The following TNR variants were observed in gnomAD, a reference collection of about 807,000 sequenced individuals.
TNR encodes tenascin R, also known as tenascin-R.
TNR carries 45 observed loss-of-function variants against 150.4 expected under a neutral mutation model. The ratio of observed to expected loss-of-function variants is 0.30; its 90% confidence interval spans 0.24 to 0.38. TNR has a LOEUF of 0.38. Among genes scored for constraint, TNR ranks in the 10% least tolerant of loss-of-function variants. The probability of loss-of-function intolerance (pLI) is 1.00; values close to 1 mark genes in which losing one functional copy is unlikely to be tolerated. For missense variants in TNR, 1,544 were observed against 1,759.1 expected, an observed-to-expected ratio of 0.88 and a Z score of 2.19; for synonymous variants, 687 against 678.4, an observed-to-expected ratio of 1.01 and a Z score of -0.20.
At chr1:175,366,311 C>T (rs866767518) in intron 10 of TNR, among the ~76,000 whole-genome samples, 173 bp from the exon 11 acceptor site, 35 of 152,196 alleles carry the variant, frequency 2.3e-4, no homozygotes, top group African/African-American at 8.0e-4. Context: ...TGAATGATGG[C>T]CAGGGGCTTG....
intron 2 of TNR, among the ~76,000 whole-genome samples, chr1:175,523,260 G>T (rs754274250): frequency 1.3e-5 from 2 of 151,960 alleles, no homozygotes; most frequent in Non-Finnish European, 2.9e-5. Context: ...AAGGTAGTGG[G>T]GCATTGTGGG....
At chr1:175,648,718 T>C (rs369137433) in intron 1 of TNR, among the ~76,000 whole-genome samples, 7 of 152,266 alleles carry the variant, frequency 4.6e-5, no homozygotes, top group African/African-American at 1.7e-4. Context: ...TCCCGCTTCC[T>C]TCAAGTCATT....
intron 2 of TNR, among the ~76,000 whole-genome samples, chr1:175,509,939 A>G (rs1659101665): frequency 6.6e-6 from 1 of 152,176 alleles, no homozygotes; most frequent in Non-Finnish European, 1.5e-5. Context: ...AATGTATTTA[A>G]GGTCCAGGCA....
chr1:175,735,804 T>C (rs952594741), intron 1 of TNR, among the ~76,000 whole-genome samples: 2 of 152,206 alleles, frequency 1.3e-5, no homozygotes, highest in African/African-American at 2.4e-5. Flanking sequence ...CAAGTGTTCA[T>C]GGTCTCTGGC....
chr1:175,662,669 G>A (rs763324973), intron 1 of TNR, among the ~76,000 whole-genome samples: 6 of 152,184 alleles, frequency 3.9e-5, no homozygotes, highest in East Asian at 3.8e-4. Context: ...GCTGGAGGGC[G>A]TCTGTAACCT....
intron 1 of TNR, among the ~76,000 whole-genome samples, chr1:175,617,753 TC>T (rs201079942): frequency 0.012 from 1,863 of 152,368 alleles, 44 homozygotes; most frequent in African/African-American, 0.041. Context: ...CAAAGAATGT[TC>T]CTCACCCTGA....
At chr1:175,481,154 T>C (rs561951576) in intron 2 of TNR, among the ~76,000 whole-genome samples, 14 of 151,834 alleles carry the variant, frequency 9.2e-5, no homozygotes, top group African/African-American at 3.4e-4. Context: ...GATTGGGGCA[T>C]TCATCCTTGC....
intron 1 of TNR, among the ~76,000 whole-genome samples, chr1:175,683,788 G>A (rs1666109786): frequency 6.6e-6 from 1 of 152,208 alleles, no homozygotes; most frequent in Non-Finnish European, 1.5e-5. Context: ...GCTTCCAACA[G>A]TGATTAATTT....
intron 18 of TNR, among the ~76,000 whole-genome samples, chr1:175,349,656 A>G (rs934108995): frequency 6.6e-6 from 1 of 152,234 alleles, no homozygotes; most frequent in Non-Finnish European, 1.5e-5. Flanking sequence ...GTAAAAGGAA[A>G]TAAATGAGTA....
chr1:175,484,885 G>C lies in TNR; in HGVS notation c.-64+43384C>G, dbSNP rs1025390881. On this transcript the variant is annotated intron_variant, in intron 2 of 22. Transcript: ENST00000367674. Reference sequence around the variant, plus strand: ...AGCTTCAGAGAGTTTGTGAGCATATGATGAGCATCTAGAACTGTTCCTTCC... The same window carrying C: ...AGCTTCAGAGAGTTTGTGAGCATATCATGAGCATCTAGAACTGTTCCTTCC... Among the ~76,000 whole-genome samples, 15 of 152,170 alleles carry C rather than the reference G, an allele frequency of 9.9e-5. No homozygotes were observed. The East Asian group carries it at 2.1e-3, about 21-fold the overall frequency.
chr1:175,498,113 CAAAG>C (rs201650160), intron 2 of TNR, among the ~76,000 whole-genome samples: 2,016 of 151,838 alleles, frequency 0.013, 43 homozygotes, highest in African/African-American at 0.047. Context: ...AAAAAACAAA[CAAAG>C]AAAACAAACA....
intron 2 of TNR, among the ~76,000 whole-genome samples, chr1:175,451,636 G>A (rs1656326685): frequency 6.6e-6 from 1 of 152,208 alleles, no homozygotes; most frequent in Non-Finnish European, 1.5e-5. Context: ...CAGACATGTG[G>A]AACCTGCTGA....
At chr1:175,595,128 C>G (rs1214996731) in intron 1 of TNR, among the ~76,000 whole-genome samples, 1 of 151,556 alleles carries the variant, frequency 6.6e-6, no homozygotes, top group Non-Finnish European at 1.5e-5. Context: ...GATTACACCA[C>G]TGCACTCCAG....
chr1:175,543,202 A>G (rs945720930), intron 1 of TNR, among the ~76,000 whole-genome samples: 3 of 152,206 alleles, frequency 2.0e-5, no homozygotes, highest in Non-Finnish European at 4.4e-5. Flanking sequence ...AGGGTAGTCC[A>G]GTTTAGAGAA....
intron 1 of TNR, among the ~76,000 whole-genome samples, chr1:175,565,620 C>T (rs1020636137): frequency 9.2e-5 from 14 of 152,186 alleles, no homozygotes; most frequent in African/African-American, 3.4e-4. Context: ...AAATCAGTGA[C>T]ATGTATCCAA....
In TNR at chr1:175,315,812, A is replaced by ATGTG. The variant is rs3030866; in HGVS notation, c.*7541_*7544dup. ...TGTGTGCATGCATGTGTGTGTGTGC[A>ATGTG]TGTGTGTGTGTGTGTGTGTGTGTGT... On this transcript the variant is annotated 3_prime_UTR_variant, in exon 23 of 23. Coordinates refer to ENST00000367674, the MANE Select transcript of TNR (RefSeq NM_003285.3). 0.016 allele frequency: 2,399 copies of ATGTG among 146,936 alleles called. 32 individuals are homozygous for ATGTG. Among genetic ancestry groups the ATGTG allele is most frequent in the African/African-American group, 0.042 (1,692 of 39,856 alleles). 9.1% of individuals were successfully genotyped at this position (146,936 alleles called of 1,614,324 possible). A position where few individuals can be genotyped will look rare whatever the true frequency, so the allele number is the denominator to read the frequency against.
At chr1:175,423,948 G>T (rs995032986) in intron 2 of TNR, among the ~76,000 whole-genome samples, 1 of 152,142 alleles carries the variant, frequency 6.6e-6, no homozygotes, top group African/African-American at 2.4e-5. Flanking sequence ...GGGCCTTGGG[G>T]GTTAGAATCC....
rs966046724 is a variant in TNR, at chr1:175,461,411, G to A, written c.-63-54634C>T. ...TTTAAGAAATCACTCCAAGGGGTGA[G>A]AGAGTGTCTAAAATTTTAAATATTA... On this transcript the variant is annotated intron_variant, in intron 2 of 22. Transcript: ENST00000367674. 3.9e-5 allele frequency among the ~76,000 whole-genome samples: 6 copies of A among 152,288 alleles called. No homozygotes were observed. In the East Asian group the frequency reaches 1.2e-3, roughly 29 times the overall value.
chr1:175,353,869 G>A lies in TNR; in HGVS notation c.3382+522C>T, dbSNP rs187517245. On this transcript the variant is annotated intron_variant, in intron 18 of 22. Coordinates refer to ENST00000367674, the MANE Select transcript of TNR (RefSeq NM_003285.3). Reference sequence around the variant, plus strand: ...TTTATTTATTTTTTTTTTTTGAGACGGAGTCTCACTTTTTCACCCAGGCTG... The same window carrying A: ...TTTATTTATTTTTTTTTTTTGAGACAGAGTCTCACTTTTTCACCCAGGCTG... Among the ~76,000 whole-genome samples the A allele has an allele frequency of 3.2e-4, 46 of 145,688 alleles. No individual in the cohort carries two copies. In the East Asian group the frequency reaches 7.8e-3, roughly 25 times the overall value.
Sources: gnomAD v4.1 joint callset for allele counts (sites outside exome capture counted in the v4.1 genomes callset) on GRCh38, gnomAD v4.1.1 for gene constraint, MANE v1.5 for transcripts, NCBI Gene and HGNC (gene_info 2026-07-23, HGNC 2026-07-21) for gene names.